The following PRR16 variants were observed in gnomAD, a reference collection of about 807,000 sequenced individuals.
PRR16 encodes the protein protein Largen.
Under a neutral mutation model 18.2 loss-of-function variants are expected in PRR16, and 6 were observed. The observed-to-expected ratio is 0.33, with a 90% CI of 0.18 to 0.65. The LOEUF (loss-of-function observed/expected upper bound fraction) is 0.65. Ranked by LOEUF, PRR16 falls within the 30% of genes least tolerant of loss-of-function variation. The probability of loss-of-function intolerance (pLI) is 0.74; values close to 1 mark genes in which losing one functional copy is unlikely to be tolerated. For missense variants in PRR16, 412 were observed against 376.6 expected (o/e 1.09, Z -0.78); for synonymous variants, 151 against 147.8 (o/e 1.02, Z -0.16).
intron 1 of PRR16, among the ~76,000 whole-genome samples, chr5:120,479,351 A>T (rs1749539312): frequency 1.3e-5 from 2 of 152,110 alleles, no homozygotes; most frequent in African/African-American, 4.8e-5. Context: ...CTATGTTGCA[A>T]ACTCTCCCTC....
intron 1 of PRR16, among the ~76,000 whole-genome samples, chr5:120,630,878 T>C (rs879640445): frequency 5.3e-5 from 8 of 152,162 alleles, no homozygotes; most frequent in African/African-American, 7.2e-5. Context: ...TAAGTAAATC[T>C]AGATACGCAT....
At chr5:120,751,862 T>C in the PRR16 span, among the ~76,000 whole-genome samples, 1 of 152,086 alleles carries the variant, frequency 6.6e-6, no homozygotes, top group African/African-American at 2.4e-5. Flanking sequence ...TATGTATTTA[T>C]GTTTTCAGTG....
At chr5:120,513,560 T>C (rs2112860126) in intron 1 of PRR16, among the ~76,000 whole-genome samples, 1 of 152,264 alleles carries the variant, frequency 6.6e-6, no homozygotes, top group East Asian at 1.9e-4. Context: ...TTCTTCTCTT[T>C]ACCTGGCTTC....
the PRR16 span, among the ~76,000 whole-genome samples, chr5:120,715,852 C>T: frequency 6.6e-6 from 1 of 152,162 alleles, no homozygotes; most frequent in East Asian, 1.9e-4. Context: ...TCAAGGCTTG[C>T]TGCTTTGCTC....
At chr5:120,769,486 A>G in the PRR16 span, among the ~76,000 whole-genome samples, 63 of 152,000 alleles carry the variant, frequency 4.1e-4, no homozygotes, top group Non-Finnish European at 8.3e-4. Flanking sequence ...CTGAAACTTT[A>G]TACCCTACTG....
intron 1 of PRR16, among the ~76,000 whole-genome samples, chr5:120,480,969 T>A (rs1749591497): frequency 6.6e-6 from 1 of 152,184 alleles, no homozygotes; most frequent in African/African-American, 2.4e-5. Context: ...TGAGGTCCGA[T>A]TCACTTCATG....
intron 1 of PRR16, among the ~76,000 whole-genome samples, chr5:120,639,055 G>C (rs991672): frequency 0.42 from 63,360 of 151,792 alleles, 14,265 homozygotes; most frequent in East Asian, 0.86. Flanking sequence ...AGTATGTAGT[G>C]ACTTAATATA....
At chr5:120,575,218 C>G (rs1344981318) in intron 1 of PRR16, among the ~76,000 whole-genome samples, 1 of 151,658 alleles carries the variant, frequency 6.6e-6, no homozygotes, top group African/African-American at 2.4e-5. Context: ...TAAATGAGGA[C>G]TGATGTATTT....
At chr5:120,651,145 C>A (rs1031142850) in intron 1 of PRR16, among the ~76,000 whole-genome samples, 7 of 152,138 alleles carry the variant, frequency 4.6e-5, no homozygotes, top group African/African-American at 1.7e-4. Flanking sequence ...AGTGTCTGTT[C>A]ATATCCTTCG....
At chr5:120,502,820 A>G (rs1750508638) in intron 1 of PRR16, among the ~76,000 whole-genome samples, 1 of 152,192 alleles carries the variant, frequency 6.6e-6, no homozygotes, top group Non-Finnish European at 1.5e-5. Context: ...CTATGGGTCT[A>G]TTGTAAAGTT....
At chr5:120,560,634 T>C (rs1752546154) in intron 1 of PRR16, among the ~76,000 whole-genome samples, 1 of 152,096 alleles carries the variant, frequency 6.6e-6, no homozygotes, top group Non-Finnish European at 1.5e-5. Flanking sequence ...GGTATCAGGG[T>C]GATACCGACT....
chr5:120,766,300 T>C, the PRR16 span, among the ~76,000 whole-genome samples: 7 of 152,054 alleles, frequency 4.6e-5, no homozygotes, highest in East Asian at 1.2e-3. Flanking sequence ...TTCTAGAGTA[T>C]GTAGTGGTAT....
intron 1 of PRR16, among the ~76,000 whole-genome samples, chr5:120,646,074 A>ATATATATATATATATATATATATC (rs1475860368): frequency 1.5e-5 from 2 of 136,346 alleles, no homozygotes; most frequent in South Asian, 2.4e-4. Flanking sequence ...ATATATATAT[A>ATATATATATATATATATATATATC]TCATAGTTTC....
At chr5:120,482,689 C>A (rs768446853) in intron 1 of PRR16, among the ~76,000 whole-genome samples, 1 of 151,922 alleles carries the variant, frequency 6.6e-6, no homozygotes, top group Non-Finnish European at 1.5e-5. Context: ...ATTTTAAGTT[C>A]TTTGAGAAAT....
intron 1 of PRR16, among the ~76,000 whole-genome samples, chr5:120,466,771 A>G (rs1055847246): frequency 5.9e-5 from 9 of 152,246 alleles, no homozygotes; most frequent in Non-Finnish European, 8.8e-5. Context: ...ACTATCTGAC[A>G]GATCTAGAGA....
intron 1 of PRR16, among the ~76,000 whole-genome samples, chr5:120,641,306 A>G (rs1252970813): frequency 6.6e-6 from 1 of 152,120 alleles, no homozygotes; most frequent in East Asian, 1.9e-4. Flanking sequence ...GCTGGTGCTA[A>G]CAGATTAACT....
chr5:120,617,019 CA>C lies in PRR16; in HGVS notation c.160-68934del, dbSNP rs1383059689. The C allele has an allele frequency of 9.2e-6, 6 of 651,234 alleles. No individual in the cohort carries two copies. In the African/African-American group the frequency reaches 1.2e-4, roughly 13 times the overall value. 40.3% of individuals were successfully genotyped at this position (651,234 alleles called of 1,614,324 possible). ...CCCATCCATTCATAACCTCCTGCAC[CA>C]TGTCCAGTCCAGTGTTTTTTGGAAA... is the stretch of plus-strand genomic sequence containing the variant. On this transcript the variant is annotated intron_variant, in intron 1 of 1. Coordinates refer to ENST00000407149, the MANE Select transcript of PRR16 (RefSeq NM_001300783.2).
At chr5:120,514,089 C>G (rs532866631) in intron 1 of PRR16, among the ~76,000 whole-genome samples, 2 of 152,206 alleles carry the variant, frequency 1.3e-5, no homozygotes, top group Non-Finnish European at 2.9e-5. Context: ...ATATGCCCAG[C>G]ATTTAGCATC....
At chr5:120,744,419 G>A in the PRR16 span, among the ~76,000 whole-genome samples, 2 of 152,200 alleles carry the variant, frequency 1.3e-5, no homozygotes, top group African/African-American at 2.4e-5. Context: ...GAAGGAGACA[G>A]ATCTTTAGTT....
Sources: gnomAD v4.1 joint callset for allele counts (sites outside exome capture counted in the v4.1 genomes callset) on GRCh38, gnomAD v4.1.1 for gene constraint, MANE v1.5 for transcripts, NCBI Gene and HGNC (gene_info 2026-07-23, HGNC 2026-07-21) for gene names.